CELF4: variants seen among roughly 807,000 people sequenced by gnomAD.
CELF4 encodes the protein CUG-BP- and ETR-3-like factor 4.
A neutral mutation model predicts 59.9 loss-of-function variants in CELF4; 18 were observed. That is an observed-to-expected ratio of 0.30 (90% CI 0.21 to 0.45). The LOEUF is 0.45. CELF4 is among the 20% of genes least tolerant of loss of function. The probability of loss-of-function intolerance (pLI) is 1.00; values close to 1 mark genes in which losing one functional copy is unlikely to be tolerated. For missense variants in CELF4, 456 were observed against 689.0 expected, an observed-to-expected ratio of 0.66 and a Z score of 3.79; for synonymous variants, 261 against 267.1, an observed-to-expected ratio of 0.98 and a Z score of 0.22.
At chr18:37,472,582 T>C (rs903574397) in intron 2 of CELF4, among the ~76,000 whole-genome samples, 3 of 152,222 alleles carry the variant, frequency 2.0e-5, no homozygotes, top group Admixed American at 1.3e-4. Context: ...TGCTCCTGGA[T>C]GAAAGAACTA....
chr18:37,559,247 C>T (rs189628940), intron 1 of CELF4, among the ~76,000 whole-genome samples: 4 of 152,262 alleles, frequency 2.6e-5, no homozygotes, highest in Admixed American at 6.5e-5. Flanking sequence ...CAAGATTAAA[C>T]TGTCCCTAAC....
chr18:37,275,087 GC>G, intron 4 of CELF4, 27 bp downstream of exon 4: 2 of 1,609,220 alleles, frequency 1.2e-6, no homozygotes, highest in African/African-American at 1.3e-5. Context: ...TCCCTCCGGG[GC>G]ATCCCTCCCG....
intron 2 of CELF4, among the ~76,000 whole-genome samples, chr18:37,453,625 G>A (rs535377770): frequency 1.0e-3 from 156 of 152,276 alleles, no homozygotes; most frequent in African/African-American, 3.7e-3. Context: ...AACCTCAGGA[G>A]CAATGGCAAG....
intron 2 of CELF4, among the ~76,000 whole-genome samples, chr18:37,418,492 C>A (rs75748982): frequency 1.8e-3 from 268 of 152,292 alleles, no homozygotes; most frequent in African/African-American, 6.0e-3. Context: ...GCTGCCTCAA[C>A]CTTTCAATGT....
At chr18:37,399,103 C>T (rs892505209) in intron 2 of CELF4, among the ~76,000 whole-genome samples, 7 of 152,162 alleles carry the variant, frequency 4.6e-5, no homozygotes, top group Non-Finnish European at 8.8e-5. Flanking sequence ...GAGATGCTCA[C>T]AGTCGTTTTT....
rs182201960 is a variant in CELF4, at chr18:37,291,945, C to A, written c.449-16702G>T. The stretch of plus-strand genomic sequence containing the variant: ...AAAATTCACACGCTGAAATTCTAAA[C>A]CCCAAGGTGATGGTATTAAGAGGAG... On this transcript the variant is annotated intron_variant, in intron 3 of 12. Transcript: ENST00000420428. Among the ~76,000 whole-genome samples the A allele has an allele frequency of 2.4e-3, 370 of 152,200 alleles. 1 individual carries two copies. Among genetic ancestry groups the A allele is most frequent in the African/African-American group, 8.7e-3 (360 of 41,532 alleles).
chr18:37,262,193 G>A (rs930967617), intron 10 of CELF4, among the ~76,000 whole-genome samples: 4 of 152,158 alleles, frequency 2.6e-5, no homozygotes, highest in Admixed American at 6.5e-5. Flanking sequence ...TCCCAGTGCC[G>A]CGCTCTCACC....
intron 1 of CELF4, among the ~76,000 whole-genome samples, chr18:37,533,355 T>C (rs1181489799): frequency 1.3e-5 from 2 of 152,056 alleles, no homozygotes; most frequent in East Asian, 3.9e-4. Context: ...AGGTGAGAAA[T>C]TTGGGAATCC....
chr18:37,443,490 T>C (rs2154601288), intron 2 of CELF4, among the ~76,000 whole-genome samples: 1 of 152,100 alleles, frequency 6.6e-6, no homozygotes, highest in South Asian at 2.1e-4. Context: ...ACCACCGAAG[T>C]GTGTGCATGT....
chr18:37,499,615 A>G (rs1038901266), intron 1 of CELF4, among the ~76,000 whole-genome samples: 2 of 152,210 alleles, frequency 1.3e-5, no homozygotes, highest in Non-Finnish European at 2.9e-5. Flanking sequence ...CTGCAATGGC[A>G]GGGCTGGCCC....
At chr18:37,302,121 T>C (rs1378502005) in intron 3 of CELF4, among the ~76,000 whole-genome samples, 2 of 152,316 alleles carry the variant, frequency 1.3e-5, no homozygotes, top group East Asian at 1.9e-4. Context: ...ATTTGGGCCG[T>C]ATTAATAAAA....
intron 1 of CELF4, among the ~76,000 whole-genome samples, chr18:37,535,102 G>A (rs564747512): frequency 6.0e-4 from 92 of 152,284 alleles, no homozygotes; most frequent in African/African-American, 1.9e-3. Flanking sequence ...GTGTGGCCTC[G>A]GATGGGAGGT....
intron 2 of CELF4, among the ~76,000 whole-genome samples, chr18:37,438,714 T>C (rs2099701577): frequency 6.6e-6 from 1 of 152,238 alleles, no homozygotes; most frequent in Non-Finnish European, 1.5e-5. Flanking sequence ...CATCCAGTCA[T>C]ACAGCTGGCA....
chr18:37,382,860 C>G (rs1002199454), intron 2 of CELF4, among the ~76,000 whole-genome samples: 1 of 152,146 alleles, frequency 6.6e-6, no homozygotes, highest in Admixed American at 6.5e-5. Flanking sequence ...CACCTGCCCC[C>G]CTCCACAGAA....
chr18:37,262,724 G>A (rs769954702), intron 10 of CELF4, among the ~76,000 whole-genome samples: 4 of 152,138 alleles, frequency 2.6e-5, no homozygotes, highest in South Asian at 2.1e-4. Context: ...GACCTGGAGC[G>A]GGCAACATGG....
intron 2 of CELF4, among the ~76,000 whole-genome samples, chr18:37,353,763 CT>C (rs1413320775): frequency 8.4e-6 from 1 of 119,560 alleles, no homozygotes; most frequent in East Asian, 2.6e-4. Flanking sequence ...GGGGGCAGTT[CT>C]TTCTTTTTTT....
intron 1 of CELF4, among the ~76,000 whole-genome samples, chr18:37,536,418 T>A (rs2099973531): frequency 6.6e-6 from 1 of 152,062 alleles, no homozygotes; most frequent in Admixed American, 6.5e-5. Context: ...CTTTCCTGTC[T>A]CCCCCACTCC....
At chr18:37,250,603 C>T (rs2064906853) in intron 12 of CELF4, among the ~76,000 whole-genome samples, 2 of 152,166 alleles carry the variant, frequency 1.3e-5, no homozygotes, top group African/African-American at 4.8e-5. Context: ...CAGCTCAGGC[C>T]TCAGCACAAA....
intron 2 of CELF4, among the ~76,000 whole-genome samples, chr18:37,437,565 T>A (rs1460010733): frequency 6.6e-6 from 1 of 152,184 alleles, no homozygotes; most frequent in African/African-American, 2.4e-5. Context: ...CTCCCACCCA[T>A]CTTGTGTCCT....
Sources: gnomAD v4.1 joint callset for allele counts (sites outside exome capture counted in the v4.1 genomes callset) on GRCh38, gnomAD v4.1.1 for gene constraint, MANE v1.5 for transcripts, NCBI Gene and HGNC (gene_info 2026-07-23, HGNC 2026-07-21) for gene names.